The following SUCLG2 variants were observed in gnomAD, a reference collection of about 807,000 sequenced individuals.
The protein encoded by SUCLG2 is succinate--CoA ligase [GDP-forming] subunit beta, mitochondrial.
A neutral mutation model predicts 47.9 loss-of-function variants in SUCLG2; 42 were observed. The observed-to-expected ratio is 0.88, with a 90% CI of 0.69 to 1.14. The LOEUF (loss-of-function observed/expected upper bound fraction) is 1.14, where lower values mean the gene tolerates loss of function less well. SUCLG2 is among the 50% of genes most tolerant of loss of function. The pLI is 0.00. For synonymous variants in SUCLG2, 195 were observed against 197.3 expected, an observed-to-expected ratio of 0.99 and a Z score of 0.10; for missense variants, 571 against 525.9, an observed-to-expected ratio of 1.09 and a Z score of -0.84.
intron 1 of SUCLG2, among the ~76,000 whole-genome samples, chr3:67,617,053 G>A (rs1487118971): frequency 6.6e-6 from 1 of 152,108 alleles, no homozygotes; most frequent in Non-Finnish European, 1.5e-5. Context: ...AATTAGCACC[G>A]ATAAATCTAC....
chr3:67,632,578 G>A (rs1234260431), intron 1 of SUCLG2, among the ~76,000 whole-genome samples: 1 of 152,114 alleles, frequency 6.6e-6, no homozygotes, highest in Non-Finnish European at 1.5e-5. Flanking sequence ...TAAGATCATG[G>A]ACACTGGATC....
chr3:67,534,595 A>C (rs1461519135), intron 2 of SUCLG2, among the ~76,000 whole-genome samples: 3 of 151,830 alleles, frequency 2.0e-5, no homozygotes, highest in Non-Finnish European at 4.4e-5. Flanking sequence ...AATAAAAATT[A>C]TCTCTAGAAA....
intron 10 of SUCLG2, among the ~76,000 whole-genome samples, chr3:67,392,883 T>C (rs989558818): frequency 6.6e-6 from 1 of 152,040 alleles, no homozygotes; most frequent in South Asian, 2.1e-4. Flanking sequence ...GTCATGATCA[T>C]AGCTTGCTGC....
chr3:67,498,992 G>T (rs540670681), intron 7 of SUCLG2, among the ~76,000 whole-genome samples: 71 of 152,248 alleles, frequency 4.7e-4, no homozygotes, highest in African/African-American at 1.6e-3. Context: ...GGTTCTGCAA[G>T]GCCAACTGCA....
chr3:67,383,047 C>G lies in SUCLG2; in HGVS notation c.1184-7188G>C, dbSNP rs553664204. Reference sequence around the variant, plus strand: ...ACTTTATGTCAGAAACAGAATAATTCATTGAGAATCAGAGGCAAAACTTCT... The same window carrying G: ...ACTTTATGTCAGAAACAGAATAATTGATTGAGAATCAGAGGCAAAACTTCT... On this transcript the variant is annotated intron_variant, in intron 10 of 10. Transcript: ENST00000307227. Among the ~76,000 whole-genome samples, 9 of 152,276 alleles carry G rather than the reference C, an allele frequency of 5.9e-5. No homozygotes were observed. In the East Asian group the frequency reaches 1.7e-3, roughly 29 times the overall value.
At chr3:67,517,068 C>G (rs1359243129) in intron 6 of SUCLG2, among the ~76,000 whole-genome samples, 1 of 152,200 alleles carries the variant, frequency 6.6e-6, no homozygotes, top group African/African-American at 2.4e-5. Flanking sequence ...ATTAGTTCCT[C>G]TAACTGTCCA....
intron 2 of SUCLG2, among the ~76,000 whole-genome samples, chr3:67,543,334 A>G (rs182289619): frequency 1.4e-3 from 210 of 152,326 alleles, no homozygotes; most frequent in Non-Finnish European, 2.5e-3. Context: ...AAACAGTTAC[A>G]TAGTCGTAAT....
chr3:67,488,786 T>G (rs1408110917), intron 9 of SUCLG2, among the ~76,000 whole-genome samples: 4 of 152,202 alleles, frequency 2.6e-5, no homozygotes, highest in Non-Finnish European at 4.4e-5. Flanking sequence ...TAATTATATA[T>G]TTTTCCAAAC....
intron 10 of SUCLG2, among the ~76,000 whole-genome samples, chr3:67,395,203 C>G (rs1387841841): frequency 6.6e-6 from 1 of 151,888 alleles, no homozygotes; most frequent in Non-Finnish European, 1.5e-5. Flanking sequence ...GGACTAAATG[C>G]TCCAATTAAA....
At chr3:67,620,864 G>T (rs1233342588) in intron 1 of SUCLG2, among the ~76,000 whole-genome samples, 2 of 152,144 alleles carry the variant, frequency 1.3e-5, no homozygotes, top group African/African-American at 4.8e-5. Context: ...GCAGGGACCA[G>T]ATAATGCAGG....
At chr3:67,554,930 C>T (rs116116770) in intron 2 of SUCLG2, among the ~76,000 whole-genome samples, 248 of 152,244 alleles carry the variant, frequency 1.6e-3, no homozygotes, top group Non-Finnish European at 2.9e-3. Context: ...TGTGAAGATA[C>T]TGGCAGCATG....
intron 9 of SUCLG2, among the ~76,000 whole-genome samples, chr3:67,424,983 C>T (rs1703261132): frequency 6.6e-6 from 1 of 152,162 alleles, no homozygotes; most frequent in African/African-American, 2.4e-5. Flanking sequence ...GCTATCAAGG[C>T]TGCTCATTGA....
intron 2 of SUCLG2, among the ~76,000 whole-genome samples, chr3:67,601,537 C>A (rs1206903056): frequency 6.6e-6 from 1 of 152,094 alleles, no homozygotes; most frequent in Non-Finnish European, 1.5e-5. Flanking sequence ...CCATAAAGTA[C>A]CCTCTGAACT....
In SUCLG2 at chr3:67,400,721, C is replaced by G; in HGVS notation, c.1183+10G>C. ...GGGTGCTGGCACAGCGGAAATCTAC[C>G]ATGACTCACCTTCAAGCCGGACCAC... On this transcript the variant is annotated intron_variant, in intron 10 of 10. Transcript: ENST00000307227. 1 of 1,610,670 alleles carries G rather than the reference C, an allele frequency of 6.2e-7. No individual in the cohort carries two copies. The highest frequency in any genetic ancestry group is 1.1e-5 in the South Asian group (1 of 90,684).
intron 2 of SUCLG2, among the ~76,000 whole-genome samples, chr3:67,550,281 C>T (rs1298153164): frequency 6.6e-6 from 1 of 152,152 alleles, no homozygotes; most frequent in African/African-American, 2.4e-5. Flanking sequence ...TTGAGGTGTC[C>T]CCCAACACCA....
downstream of SUCLG2, among the ~76,000 whole-genome samples, chr3:67,371,764 G>T (rs527485993): frequency 6.6e-6 from 1 of 152,108 alleles, no homozygotes; most frequent in Admixed American, 6.6e-5. Flanking sequence ...TAGTGAATTT[G>T]GGTCCCCATA....
chr3:67,468,643 A>C (rs752888857), intron 9 of SUCLG2, among the ~76,000 whole-genome samples: 1 of 152,136 alleles, frequency 6.6e-6, no homozygotes, highest in Non-Finnish European at 1.5e-5. Context: ...GCATATGAGG[A>C]AGCCATCTTG....
intron 2 of SUCLG2, among the ~76,000 whole-genome samples, chr3:67,597,879 A>C (rs1212685459): frequency 6.6e-6 from 1 of 151,798 alleles, no homozygotes; most frequent in Non-Finnish European, 1.5e-5. Context: ...CAGAGGTTGC[A>C]GTCAGCCAAG....
At chr3:67,512,965 A>G (rs974627372) in intron 6 of SUCLG2, among the ~76,000 whole-genome samples, 21 of 150,754 alleles carry the variant, frequency 1.4e-4, no homozygotes, top group African/African-American at 4.7e-4. Flanking sequence ...CTCCATATAT[A>G]TGTATATAGA....
Sources: allele counts gnomAD v4.1 joint callset (sites outside exome capture counted in the v4.1 genomes callset), GRCh38; gene constraint gnomAD v4.1.1; transcripts MANE v1.5; gene names NCBI Gene and HGNC (gene_info 2026-07-23, HGNC 2026-07-21).